ARHGAP20: variants seen among roughly 807,000 people sequenced by gnomAD.
ARHGAP20 encodes Rho GTPase activating protein 20, also known as rho GTPase-activating protein 20.
A neutral mutation model predicts 73.7 loss-of-function variants in ARHGAP20; 34 were observed. That is an observed-to-expected ratio of 0.46 (90% CI 0.35 to 0.61). The LOEUF (loss-of-function observed/expected upper bound fraction) is 0.61. Among genes scored for constraint, ARHGAP20 ranks in the 20% least tolerant of loss-of-function variants. ARHGAP20 has a pLI of 0.00. For synonymous variants in ARHGAP20, 523 were observed against 518.2 expected (o/e 1.01, Z -0.13); for missense variants, 1,314 against 1,420.9 (o/e 0.92, Z 1.21).
chr11:110,614,941 G>T (rs2134900212), intron 5 of ARHGAP20, among the ~76,000 whole-genome samples: 1 of 152,214 alleles, frequency 6.6e-6, no homozygotes, highest in South Asian at 2.1e-4. Flanking sequence ...TCTTTGGACA[G>T]GTCCAACACC....
intron 4 of ARHGAP20, among the ~76,000 whole-genome samples, chr11:110,622,222 A>C (rs1336780470): frequency 6.6e-6 from 1 of 152,198 alleles, no homozygotes; most frequent in East Asian, 1.9e-4. Flanking sequence ...CTCTCAGGCT[A>C]AGGCCTTAAA....
At position 110,606,761 on chromosome 11, in the gene ARHGAP20, C is replaced by G; in HGVS notation, c.776-12G>C. ...TGGATATTCATGCCCTACACAGAGA[C>G]AAATCTAAATGTAGACTTCAGGCTG... On this transcript the variant is annotated splice_polypyrimidine_tract_variant and intron_variant, in intron 8 of 14. Transcript: ENST00000683387. 8 of 1,513,054 alleles carry G rather than the reference C, an allele frequency of 5.3e-6. No individual in the cohort carries two copies. The highest frequency in any genetic ancestry group is 1.4e-5 in the African/African-American group (1 of 70,940). The allele number at this position is 1,513,054 out of a possible 1,614,324, so 93.7% of individuals were successfully genotyped here. A position where few individuals can be genotyped will look rare whatever the true frequency, so the allele number is the denominator to read the frequency against.
At chr11:110,632,748 C>T (rs567016584) in intron 2 of ARHGAP20, among the ~76,000 whole-genome samples, 105 of 152,246 alleles carry the variant, frequency 6.9e-4, no homozygotes, top group African/African-American at 2.3e-3. Flanking sequence ...ATTTCTTTCA[C>T]GTTCTTACTG....
At chr11:110,628,490 T>C (rs1948792794) in intron 3 of ARHGAP20, among the ~76,000 whole-genome samples, 1 of 152,162 alleles carries the variant, frequency 6.6e-6, no homozygotes, top group Non-Finnish European at 1.5e-5. Flanking sequence ...AAAATGGTGG[T>C]CAAAATTTTT....
At chr11:110,592,285 A>G in intron 9 of ARHGAP20, 130 bp from the exon 10 acceptor site, 1 of 748,508 alleles carries the variant, frequency 1.3e-6, no homozygotes, top group South Asian at 2.6e-5. Flanking sequence ...GGCTTTTGTC[A>G]TTGACAATTC....
chr11:110,595,166 G>A (rs1161625987), intron 9 of ARHGAP20, among the ~76,000 whole-genome samples: 7 of 151,824 alleles, frequency 4.6e-5, no homozygotes, highest in Non-Finnish European at 8.8e-5. Flanking sequence ...AGCTATCTAT[G>A]ACAAACCCAC....
Position 110,579,753 on chromosome 11 carries a change from C to T in ARHGAP20, c.3193G>A (p.Ala1065Thr). Residue 1065 changes from alanine (A) to threonine (T), a missense_variant, in exon 15 of 15, where the codon GCT becomes ACT. This residue lies in a region of ARHGAP20 where 641 missense variants were observed against 636.9 expected (regional missense o/e 1.01). Coordinates refer to ENST00000683387, the MANE Select transcript of ARHGAP20 (RefSeq NM_001384657.1). ...KAARPEEEKI[A>T]SPKGPLEPPP... ...GGCTCTAAGGGTCCTTTTGGAGAAG[C>T]TATTTTCTCTTCCTCTGGTCTGGCT... is the stretch of plus-strand genomic sequence containing the variant. The T allele has an allele frequency of 1.9e-6, 3 of 1,613,900 alleles. No homozygotes were observed. The highest frequency in any genetic ancestry group is 2.5e-6 in the Non-Finnish European group (3 of 1,179,978).
intron 3 of ARHGAP20, among the ~76,000 whole-genome samples, chr11:110,625,468 T>C (rs1009224739): frequency 6.6e-6 from 1 of 152,204 alleles, no homozygotes; most frequent in Non-Finnish European, 1.5e-5. Context: ...TTTAGAAGCA[T>C]AGGTTATTTT....
Position 110,648,205 on chromosome 11 carries a change from A to G in ARHGAP20, c.189-17413T>C, listed in dbSNP as rs1402180164. Among the ~76,000 whole-genome samples, 3 of 68,492 alleles carry G rather than the reference A, an allele frequency of 4.4e-5. No individual in the cohort carries two copies. In the East Asian group the frequency reaches 1.5e-3, roughly 34 times the overall value. 44.9% of individuals were successfully genotyped at this position (68,492 alleles called of 152,430 possible). ...TATATATATGTAAATATATATATAT[A>G]TGTAAATATATATATGTATATATAT... On this transcript the variant is annotated intron_variant, in intron 2 of 14. Coordinates refer to ENST00000683387, the MANE Select transcript of ARHGAP20 (RefSeq NM_001384657.1).
intron 9 of ARHGAP20, among the ~76,000 whole-genome samples, chr11:110,592,370 G>T (rs138162229): frequency 1.6e-3 from 249 of 152,210 alleles, no homozygotes; most frequent in African/African-American, 5.1e-3. Context: ...CAAATGTTTG[G>T]GTTCTTCTCC....
chr11:110,664,340 G>T (rs1042761512), intron 2 of ARHGAP20, among the ~76,000 whole-genome samples: 1 of 151,866 alleles, frequency 6.6e-6, no homozygotes, highest in Admixed American at 6.6e-5. Context: ...AAGGTTGCAG[G>T]ATATAAGACA....
At chr11:110,711,571 G>GC (rs1174080971) in intron 1 of ARHGAP20, 11 of 1,450,610 alleles carry the variant, frequency 7.6e-6, no homozygotes, top group African/African-American at 3.0e-5. Context: ...CCCCATATCT[G>GC]CCCCCCGAAA....
At chr11:110,601,795 C>T (rs1260972558) in intron 9 of ARHGAP20, among the ~76,000 whole-genome samples, 1 of 151,946 alleles carries the variant, frequency 6.6e-6, no homozygotes, top group Non-Finnish European at 1.5e-5. Flanking sequence ...ACCAGTCTGG[C>T]CAACATGGTG....
At position 110,577,366 on chromosome 11, in the gene ARHGAP20, G is replaced by A; in HGVS notation, c.*2004C>T. 7.4e-6 allele frequency: 9 copies of A among 1,216,826 alleles called. No individual in the cohort carries two copies. Among genetic ancestry groups the A allele is most frequent in the Non-Finnish European group, 9.2e-6 (9 of 977,708 alleles). The allele number at this position is 1,216,826 out of a possible 1,614,324, so 75.4% of individuals were successfully genotyped here. ...AAACTATTCACATTAAGAATTACAG[G>A]AGTATCTAAGGGAACACAGATAGTA... On this transcript the variant is annotated 3_prime_UTR_variant, in exon 15 of 15. Transcript: ENST00000683387.
chr11:110,683,569 A>C (rs1950076255), intron 2 of ARHGAP20, among the ~76,000 whole-genome samples: 1 of 152,292 alleles, frequency 6.6e-6, no homozygotes, highest in South Asian at 2.1e-4. Flanking sequence ...TTATTAATAA[A>C]TGTGTGCTAG....
At position 110,621,994 on chromosome 11, in the gene ARHGAP20, G is replaced by A. The variant is rs571900778; in HGVS notation, c.503+2168C>T. On this transcript the variant is annotated intron_variant, in intron 4 of 14. Transcript: ENST00000683387. ...CTTAGCTTCAAGATGCTTTGAGTCT[G>A]TCTCATGCATGTGGGGTTTGGTGAT... Among the ~76,000 whole-genome samples the A allele has an allele frequency of 9.8e-4, 150 of 152,316 alleles. 1 individual carries two copies. Among genetic ancestry groups the A allele is most frequent in the African/African-American group, 3.5e-3 (146 of 41,576 alleles).
chr11:110,699,430 G>A (rs1198676792), intron 1 of ARHGAP20, among the ~76,000 whole-genome samples: 1 of 151,910 alleles, frequency 6.6e-6, no homozygotes, highest in Non-Finnish European at 1.5e-5. Context: ...TTGGTCTACA[G>A]TTCAGTTTAA....
intron 11 of ARHGAP20, among the ~76,000 whole-genome samples, chr11:110,589,075 A>G (rs914507830): frequency 6.6e-6 from 1 of 152,142 alleles, no homozygotes; most frequent in Non-Finnish European, 1.5e-5. Context: ...CCGACTGAAA[A>G]AAACAAAAAA....
At chr11:110,711,386 G>A (rs1348120209) in intron 1 of ARHGAP20, among the ~76,000 whole-genome samples, 1 of 150,778 alleles carries the variant, frequency 6.6e-6, no homozygotes, top group Admixed American at 6.6e-5. Flanking sequence ...CCCCACCTCA[G>A]CCCTCAGGAC....
Sources: gnomAD v4.1 joint callset for allele counts (sites outside exome capture counted in the v4.1 genomes callset) on GRCh38, gnomAD v4.1.1 for gene constraint, gnomAD v4.1.1 regional missense constraint, MANE v1.5 for transcripts, NCBI Gene and HGNC (gene_info 2026-07-23, HGNC 2026-07-21) for gene names.